Variants in NRG1 observed in about 807,000 individuals in gnomAD.
NRG1 encodes neuregulin 1.
NRG1 carries 18 observed loss-of-function variants against 63.8 expected under a neutral mutation model. That is an observed-to-expected ratio of 0.28 (90% CI 0.19 to 0.42). The LOEUF (loss-of-function observed/expected upper bound fraction) is 0.42. NRG1 is among the 10% of genes least tolerant of loss of function. The probability of loss-of-function intolerance (pLI) is 1.00; values close to 1 mark genes in which losing one functional copy is unlikely to be tolerated. For synonymous variants in NRG1, 302 were observed against 301.3 expected (o/e 1.00, Z -0.02); for missense variants, 762 against 814.7 (o/e 0.94, Z 0.79).
chr8:32,167,107 C>G (rs533302252), intron 1 of NRG1, among the ~76,000 whole-genome samples: 1 of 152,250 alleles, frequency 6.6e-6, no homozygotes, highest in African/African-American at 2.4e-5. Flanking sequence ...TTATCATTGT[C>G]TTTAATCAGT....
At chr8:31,887,585 A>G (rs1830819475) in intron 1 of NRG1, among the ~76,000 whole-genome samples, 1 of 152,076 alleles carries the variant, frequency 6.6e-6, no homozygotes, top group African/African-American at 2.4e-5. Context: ...TTAGGGGGAA[A>G]CACAGAGGGA....
chr8:32,539,660 T>C lies in NRG1; in HGVS notation c.38-56168T>C, dbSNP rs74495843. On this transcript the variant is annotated intron_variant, in intron 1 of 10. Coordinates refer to the NRG1 transcript ENST00000519301. ...TTAGAAAACAACTTACAGCTGTAGATAAACATTTACGAATTATCAACATTT... is the reference window on the plus strand; with the variant it reads ...TTAGAAAACAACTTACAGCTGTAGACAAACATTTACGAATTATCAACATTT... 1.8e-4 allele frequency among the ~76,000 whole-genome samples: 28 copies of C among 152,170 alleles called. 1 individual carries two copies. The highest frequency in any genetic ancestry group is 7.7e-4 in the East Asian group (4 of 5,198).
intron 1 of NRG1, among the ~76,000 whole-genome samples, chr8:31,709,557 A>C (rs1291940747): frequency 6.6e-6 from 1 of 152,090 alleles, no homozygotes; most frequent in Non-Finnish European, 1.5e-5. Flanking sequence ...AATGTGGTAG[A>C]ATTTTCCTAG....
At chr8:32,065,383 G>A (rs1032704455) in intron 1 of NRG1, among the ~76,000 whole-genome samples, 1 of 152,204 alleles carries the variant, frequency 6.6e-6, no homozygotes, top group East Asian at 1.9e-4. Flanking sequence ...GCCCCAGTGT[G>A]TGATGTTCCG....
intron 1 of NRG1, among the ~76,000 whole-genome samples, chr8:32,554,414 A>G (rs1338984995): frequency 6.6e-6 from 1 of 152,156 alleles, no homozygotes; most frequent in Non-Finnish European, 1.5e-5. Flanking sequence ...GAAGAAATGG[A>G]CAGCTTTATT....
At chr8:32,235,556 G>A (rs1291069106) in intron 1 of NRG1, among the ~76,000 whole-genome samples, 3 of 152,008 alleles carry the variant, frequency 2.0e-5, no homozygotes, top group African/African-American at 4.8e-5. Context: ...CATTATAGTT[G>A]GTAAGTCTAG....
At chr8:31,979,152 C>T (rs2129630363) in intron 1 of NRG1, among the ~76,000 whole-genome samples, 1 of 152,240 alleles carries the variant, frequency 6.6e-6, no homozygotes. Flanking sequence ...GACTCAGATT[C>T]TTCCCTTTCT....
intron 1 of NRG1, among the ~76,000 whole-genome samples, chr8:32,204,947 A>G (rs1843874909): frequency 6.6e-6 from 1 of 152,240 alleles, no homozygotes; most frequent in African/African-American, 2.4e-5. Flanking sequence ...ATTAGGGAAA[A>G]TACACGAAAA....
At chr8:32,611,775 C>T (rs565905982) in intron 3 of NRG1, among the ~76,000 whole-genome samples, 2 of 151,986 alleles carry the variant, frequency 1.3e-5, no homozygotes, top group Non-Finnish European at 2.9e-5. Flanking sequence ...AAAAAAGTCA[C>T]ATAAGTGAAT....
intron 1 of NRG1, among the ~76,000 whole-genome samples, chr8:32,444,728 T>C (rs372680936): frequency 1.3e-5 from 2 of 152,310 alleles, no homozygotes; most frequent in African/African-American, 4.8e-5. Flanking sequence ...GTCTCACAAT[T>C]TTGTCAAAAG....
chr8:32,714,004 T>C (rs1215117050), intron 5 of NRG1, among the ~76,000 whole-genome samples: 1 of 151,952 alleles, frequency 6.6e-6, no homozygotes, highest in Non-Finnish European at 1.5e-5. Context: ...TTTGTATTTT[T>C]GGTAGAGACG....
At chr8:32,200,180 T>G (rs1337199117) in intron 1 of NRG1, among the ~76,000 whole-genome samples, 2 of 152,238 alleles carry the variant, frequency 1.3e-5, no homozygotes, top group African/African-American at 4.8e-5. Flanking sequence ...CTTTCGGGGA[T>G]TCCTATGAGT....
At chr8:32,561,738 T>A (rs2129527045) in intron 1 of NRG1, among the ~76,000 whole-genome samples, 1 of 152,190 alleles carries the variant, frequency 6.6e-6, no homozygotes, top group African/African-American at 2.4e-5. Flanking sequence ...ACCTGAATTA[T>A]CTTTGACCCA....
chr8:32,517,277 G>C (rs545352186), intron 1 of NRG1, among the ~76,000 whole-genome samples: 1 of 152,124 alleles, frequency 6.6e-6, no homozygotes, highest in African/African-American at 2.4e-5. Flanking sequence ...TCTTTACTTA[G>C]TAAAGTACTA....
chr8:31,899,502 T>C (rs1831888871), intron 1 of NRG1, among the ~76,000 whole-genome samples: 1 of 152,178 alleles, frequency 6.6e-6, no homozygotes, highest in Non-Finnish European at 1.5e-5. Context: ...AGGGTAGTCA[T>C]GGCTGCAATC....
intron 1 of NRG1, among the ~76,000 whole-genome samples, chr8:31,777,528 C>G (rs1819265556): frequency 6.6e-6 from 1 of 152,170 alleles, no homozygotes; most frequent in African/African-American, 2.4e-5. Flanking sequence ...CCTTGTGCCC[C>G]CAAATATCCT....
chr8:32,734,330 T>C (rs1262114218), intron 6 of NRG1, among the ~76,000 whole-genome samples: 1 of 152,236 alleles, frequency 6.6e-6, no homozygotes, highest in African/African-American at 2.4e-5. Flanking sequence ...CACAGTTGTG[T>C]CCTGCAGTCT....
At chr8:32,480,808 A>T (rs917833765) in intron 1 of NRG1, among the ~76,000 whole-genome samples, 1 of 152,102 alleles carries the variant, frequency 6.6e-6, no homozygotes, top group East Asian at 1.9e-4. Flanking sequence ...AAACAACCAG[A>T]TCTCATATGA....
chr8:32,086,942 A>G (rs1048874159), intron 1 of NRG1, among the ~76,000 whole-genome samples: 8 of 152,212 alleles, frequency 5.3e-5, no homozygotes, highest in African/African-American at 1.9e-4. Context: ...TAAGTGTTCA[A>G]TATAGCATTG....
Sources: gnomAD v4.1 joint callset for allele counts (sites outside exome capture counted in the v4.1 genomes callset) on GRCh38, gnomAD v4.1.1 for gene constraint, MANE v1.5 for transcripts, NCBI Gene and HGNC (gene_info 2026-07-23, HGNC 2026-07-21) for gene names.